PACRG: variants seen among roughly 807,000 people sequenced by gnomAD.
The protein encoded by PACRG is parkin coregulated, also known as parkin coregulated gene protein.
In PACRG, 29 loss-of-function variants were observed where a neutral mutation model predicts 29.7. The observed-to-expected ratio is 0.98, with a 90% CI of 0.73 to 1.33. The LOEUF (loss-of-function observed/expected upper bound fraction) is 1.33, where lower values mean the gene tolerates loss of function less well. Among genes scored for constraint, PACRG ranks in the 40% most tolerant of loss-of-function variants. The pLI is 0.00. For missense variants in PACRG, 279 were observed against 316.2 expected (o/e 0.88, Z 0.89); for synonymous variants, 116 against 118.7 (o/e 0.98, Z 0.15).
intron 2 of PACRG, among the ~76,000 whole-genome samples, chr6:163,045,926 T>C (rs1258556185): frequency 6.6e-6 from 1 of 152,114 alleles, no homozygotes; most frequent in African/African-American, 2.4e-5. Flanking sequence ...AACTGATGAT[T>C]CTACCCCAAG....
chr6:162,882,322 C>G (rs1416461243), intron 2 of PACRG, among the ~76,000 whole-genome samples: 1 of 146,012 alleles, frequency 6.8e-6, no homozygotes, highest in African/African-American at 2.5e-5. Context: ...ACCCGGGGGC[C>G]CTCTCCACCA....
chr6:162,907,522 G>T (rs1272910609), intron 2 of PACRG, among the ~76,000 whole-genome samples: 1 of 152,136 alleles, frequency 6.6e-6, no homozygotes, highest in South Asian at 2.1e-4. Flanking sequence ...TTAGATTTTA[G>T]TCCTCAGCAG....
At chr6:163,280,741 G>C (rs536364827) in intron 4 of PACRG, among the ~76,000 whole-genome samples, 1 of 152,188 alleles carries the variant, frequency 6.6e-6, no homozygotes, top group Non-Finnish European at 1.5e-5. Flanking sequence ...TGCACAGGGA[G>C]AGAGCGGGAG....
chr6:163,315,022 G>A lies in PACRG; in HGVS notation c.*35G>A, dbSNP rs760769472. 1.9e-6 allele frequency: 3 copies of A among 1,599,180 alleles called. No individual in the cohort carries two copies. The highest frequency in any genetic ancestry group is 3.4e-5 in the Admixed American group (2 of 59,086). On this transcript the variant is annotated 3_prime_UTR_variant, in exon 5 of 5. Transcript: ENST00000366888. ...CAGCTGGGACTTGAAACCTCCCGTT[G>A]GTGTTGGGATCATCTGTCTCTGTTG...
intron 2 of PACRG, among the ~76,000 whole-genome samples, chr6:163,003,342 A>C (rs1398222631): frequency 6.6e-6 from 1 of 152,188 alleles, no homozygotes; most frequent in Non-Finnish European, 1.5e-5. Flanking sequence ...TGCTTCAATA[A>C]TTCACTTTAC....
chr6:162,777,138 G>C lies in PACRG; in HGVS notation c.157-37009G>C, dbSNP rs1406549724. ...AAATCAACCAACTATTTCTCTGGGT[G>C]AATGTTCTGTCGCACACTTGCACAA... On this transcript the variant is annotated intron_variant, in intron 1 of 4. Coordinates refer to ENST00000366888, the MANE Select transcript of PACRG (RefSeq NM_001080379.2). This position sits in a 1 kb window ranked among gnomAD's most constrained non-coding sequence, Gnocchi z 4.0. Among the ~76,000 whole-genome samples, 1 of 152,226 alleles carries C rather than the reference G, an allele frequency of 6.6e-6. No homozygotes were observed. Among genetic ancestry groups the C allele is most frequent in the Admixed American group, 6.5e-5 (1 of 15,290 alleles).
chr6:163,291,064 C>T (rs1784583737), intron 4 of PACRG, among the ~76,000 whole-genome samples: 1 of 152,214 alleles, frequency 6.6e-6, no homozygotes, highest in Admixed American at 6.5e-5. Context: ...GCTTCAGTGC[C>T]CGGCTGCCCA....
At chr6:162,888,281 C>A (rs1794509006) in intron 2 of PACRG, among the ~76,000 whole-genome samples, 1 of 152,052 alleles carries the variant, frequency 6.6e-6, no homozygotes, top group African/African-American at 2.4e-5. Context: ...TTGGCCACAA[C>A]CCTCACATAC....
chr6:163,252,099 G>A (rs938044726), intron 4 of PACRG, among the ~76,000 whole-genome samples: 6 of 152,128 alleles, frequency 3.9e-5, no homozygotes, highest in South Asian at 2.1e-4. Context: ...TATCCACACC[G>A]CAAAACGCTC....
At chr6:163,298,977 C>T (rs1246164156) in intron 4 of PACRG, among the ~76,000 whole-genome samples, 2 of 152,210 alleles carry the variant, frequency 1.3e-5, no homozygotes, top group African/African-American at 4.8e-5. Context: ...TCTACCACAT[C>T]ACCTTTCCGT....
At chr6:163,189,553 G>A (rs1174706759) in intron 4 of PACRG, 1 of 152,136 alleles carries the variant, frequency 6.6e-6, no homozygotes, top group East Asian at 1.9e-4. Context: ...ATTGTGGCAG[G>A]GGCTGCCATC....
intron 2 of PACRG, among the ~76,000 whole-genome samples, chr6:163,033,443 G>A (rs76445695): frequency 0.029 from 4,384 of 152,228 alleles, 214 homozygotes; most frequent in African/African-American, 0.1. Context: ...TATTTGATCT[G>A]CATAATGTAG....
intron 4 of PACRG, among the ~76,000 whole-genome samples, chr6:163,270,609 A>G (rs2128179902): frequency 6.6e-6 from 1 of 152,188 alleles, no homozygotes; most frequent in South Asian, 2.1e-4. Context: ...CCTGGGCTCA[A>G]GCAGTCCTCC....
chr6:162,766,996 A>T (rs970239265), intron 1 of PACRG, among the ~76,000 whole-genome samples: 3 of 152,036 alleles, frequency 2.0e-5, no homozygotes, highest in African/African-American at 7.2e-5. Flanking sequence ...AGCATTTAAT[A>T]ATTTTTAAAT....
chr6:163,157,111 A>G (rs908803271), intron 4 of PACRG, among the ~76,000 whole-genome samples: 1 of 152,194 alleles, frequency 6.6e-6, no homozygotes, highest in Non-Finnish European at 1.5e-5. Flanking sequence ...TTCCTAAAAC[A>G]CATCTCTTCT....
At chr6:162,783,040 A>AT (rs1474202518) in intron 1 of PACRG, among the ~76,000 whole-genome samples, 1 of 151,914 alleles carries the variant, frequency 6.6e-6, no homozygotes, top group Non-Finnish European at 1.5e-5. Context: ...TAACTTCATG[A>AT]TAAAAATAAC....
At chr6:162,890,934 C>T (rs748925275) in intron 2 of PACRG, among the ~76,000 whole-genome samples, 79 of 152,274 alleles carry the variant, frequency 5.2e-4, no homozygotes, top group Non-Finnish European at 9.6e-4. Context: ...CTGCACCCCT[C>T]GAGGTCTTGT....
chr6:162,880,336 G>A (rs1793728742), intron 2 of PACRG, among the ~76,000 whole-genome samples: 1 of 152,232 alleles, frequency 6.6e-6, no homozygotes, highest in African/African-American at 2.4e-5. Flanking sequence ...CTACATGAGA[G>A]AATGATCACT....
intron 2 of PACRG, among the ~76,000 whole-genome samples, chr6:162,917,791 C>T (rs1796798153): frequency 6.6e-6 from 1 of 152,092 alleles, no homozygotes. Context: ...CTCTCTCTCA[C>T]TATGATATTT....
Sources: allele counts gnomAD v4.1 joint callset (sites outside exome capture counted in the v4.1 genomes callset), GRCh38; gene constraint gnomAD v4.1.1; non-coding constraint Gnocchi (gnomAD v3.1); transcripts MANE v1.5; gene names NCBI Gene and HGNC (gene_info 2026-07-23, HGNC 2026-07-21).